EDIL3: variants seen among roughly 807,000 people sequenced by gnomAD.
EDIL3 encodes EGF like and discoidin domains 3, also known as EGF-like repeat and discoidin I-like domain-containing protein 3.
EDIL3 carries 37 observed loss-of-function variants against 67.4 expected under a neutral mutation model. The observed-to-expected ratio is 0.55, with a 90% confidence interval of 0.42 to 0.72. The LOEUF (loss-of-function observed/expected upper bound fraction) is 0.72, where lower values mean the gene tolerates loss of function less well. EDIL3 is among the 30% of genes least tolerant of loss of function. EDIL3 has a pLI of 0.00. For missense variants in EDIL3, 527 were observed against 586.3 expected, an observed-to-expected ratio of 0.90 and a Z score of 1.04; for synonymous variants, 195 against 196.3, an observed-to-expected ratio of 0.99 and a Z score of 0.05.
chr5:84,369,198 A>T (rs2112210000), intron 1 of EDIL3, among the ~76,000 whole-genome samples: 1 of 150,794 alleles, frequency 6.6e-6, no homozygotes, highest in African/African-American at 2.4e-5. Flanking sequence ...AATAGCAAAA[A>T]CTTAGAATAT....
In EDIL3 at chr5:84,301,667, A is replaced by C. The variant is rs568289372; in HGVS notation, c.68-47455T>G. On this transcript the variant is annotated intron_variant, in intron 1 of 10. Coordinates refer to ENST00000296591, the MANE Select transcript of EDIL3 (RefSeq NM_005711.5). ...GCTGCACAGTATCATGCTGCAGGCC[A>C]CTGTGACTCATGACTTTGGAAAGCA... is the stretch of plus-strand genomic sequence containing the variant. Among the ~76,000 whole-genome samples the C allele has an allele frequency of 6.6e-5, 10 of 152,320 alleles. 1 individual carries two copies. The South Asian group carries it at 2.1e-3, about 32-fold the overall frequency.
chr5:84,006,609 G>C (rs1647655213), intron 9 of EDIL3, among the ~76,000 whole-genome samples: 1 of 152,060 alleles, frequency 6.6e-6, no homozygotes, highest in Non-Finnish European at 1.5e-5. Context: ...ATTTAAAAAA[G>C]TACTTAACAG....
chr5:84,303,806 C>G (rs376466271), intron 1 of EDIL3, among the ~76,000 whole-genome samples: 15 of 101,418 alleles, frequency 1.5e-4, no homozygotes, highest in Admixed American at 1.1e-3. Flanking sequence ...CTCTCTCTCT[C>G]TCTGTGTGTG....
chr5:83,985,839 T>C (rs1161781415), intron 9 of EDIL3, among the ~76,000 whole-genome samples: 1 of 152,020 alleles, frequency 6.6e-6, no homozygotes, highest in African/African-American at 2.4e-5. Flanking sequence ...ATTTACACAA[T>C]TTTAAATCTG....
chr5:83,990,978 G>GT (rs1745141504), intron 9 of EDIL3, among the ~76,000 whole-genome samples: 1 of 152,068 alleles, frequency 6.6e-6, no homozygotes, highest in South Asian at 2.1e-4. Context: ...AATGGATAGT[G>GT]TAAGAGTTTT....
At chr5:84,208,504 C>T (rs912176178) in intron 3 of EDIL3, among the ~76,000 whole-genome samples, 2 of 150,758 alleles carry the variant, frequency 1.3e-5, no homozygotes, top group Non-Finnish European at 3.0e-5. Context: ...AAGGTGAAAC[C>T]CCGTCTCTAC....
At chr5:84,130,402 AG>A (rs879597775) in intron 5 of EDIL3, among the ~76,000 whole-genome samples, 3 of 152,168 alleles carry the variant, frequency 2.0e-5, no homozygotes, top group African/African-American at 4.8e-5. Flanking sequence ...AGTTACGCTA[AG>A]AAAAGCTCAG....
chr5:84,053,561 G>A (rs1208285531), intron 9 of EDIL3, among the ~76,000 whole-genome samples: 1 of 152,048 alleles, frequency 6.6e-6, no homozygotes, highest in Non-Finnish European at 1.5e-5. Flanking sequence ...TAGACCGCTA[G>A]CAAGACTAAT....
intron 2 of EDIL3, among the ~76,000 whole-genome samples, chr5:84,245,914 T>TAAAA (rs35831418): frequency 1.4e-5 from 2 of 144,026 alleles, no homozygotes; most frequent in Non-Finnish European, 1.5e-5. Context: ...TTCTAAAATG[T>TAAAA]AAAAAAAAAA....
At chr5:83,992,232 C>A (rs888049487) in intron 9 of EDIL3, among the ~76,000 whole-genome samples, 1 of 152,080 alleles carries the variant, frequency 6.6e-6, no homozygotes, top group Non-Finnish European at 1.5e-5. Flanking sequence ...TATTGTAGTT[C>A]ATAATGGTGA....
chr5:84,148,834 G>C (rs1748332873), intron 4 of EDIL3, among the ~76,000 whole-genome samples: 1 of 152,050 alleles, frequency 6.6e-6, no homozygotes, highest in Non-Finnish European at 1.5e-5. Flanking sequence ...TTATTGGTAA[G>C]TATGCCAAAT....
At chr5:84,297,312 A>G (rs1391502892) in intron 1 of EDIL3, among the ~76,000 whole-genome samples, 2 of 152,162 alleles carry the variant, frequency 1.3e-5, no homozygotes, top group Non-Finnish European at 2.9e-5. Context: ...GAGAAATGCA[A>G]ATCAAAACCA....
chr5:84,083,764 G>A lies in EDIL3; in HGVS notation c.652-17158C>T, dbSNP rs568969390. On this transcript the variant is annotated intron_variant, in intron 6 of 10. Coordinates refer to ENST00000296591, the MANE Select transcript of EDIL3 (RefSeq NM_005711.5). ...ATTACCATTCTTCTCAGAAAAGAGG[G>A]AAATTAAGTTTATCATTTACAAATA... 1.2e-4 allele frequency among the ~76,000 whole-genome samples: 18 copies of A among 152,192 alleles called. No homozygotes were observed. In the South Asian group the frequency reaches 3.5e-3, roughly 30 times the overall value.
chr5:84,000,378 A>T (rs1190050129), intron 9 of EDIL3, among the ~76,000 whole-genome samples: 2 of 152,204 alleles, frequency 1.3e-5, no homozygotes, highest in African/African-American at 4.8e-5. Flanking sequence ...TAAAATATGA[A>T]TCGAAACAAC....
intron 1 of EDIL3, among the ~76,000 whole-genome samples, chr5:84,315,073 T>C (rs1177052997): frequency 6.6e-6 from 1 of 152,134 alleles, no homozygotes; most frequent in Non-Finnish European, 1.5e-5. Context: ...ACTACAAAAA[T>C]AAAAGACAAA....
chr5:84,034,271 G>A (rs988279430), intron 9 of EDIL3, among the ~76,000 whole-genome samples: 1 of 152,114 alleles, frequency 6.6e-6, no homozygotes, highest in African/African-American at 2.4e-5. Context: ...ATTTCATTGA[G>A]AAAAGAATGC....
chr5:84,213,824 G>A (rs1367665092), intron 3 of EDIL3, among the ~76,000 whole-genome samples: 3 of 152,034 alleles, frequency 2.0e-5, no homozygotes, highest in Non-Finnish European at 4.4e-5. Flanking sequence ...TTCTGTCCAC[G>A]TAATCTTGAA....
intron 6 of EDIL3, among the ~76,000 whole-genome samples, chr5:84,091,474 T>C (rs1747164670): frequency 6.6e-6 from 1 of 152,136 alleles, no homozygotes; most frequent in Non-Finnish European, 1.5e-5. Context: ...AACAACAAAC[T>C]CCCTTAAATA....
chr5:84,022,900 C>T (rs965508707), intron 9 of EDIL3, among the ~76,000 whole-genome samples: 33 of 151,884 alleles, frequency 2.2e-4, no homozygotes, highest in African/African-American at 7.2e-4. Flanking sequence ...GAAGAGAGAA[C>T]TTGAATTGTT....
Sources: gnomAD v4.1 joint callset for allele counts (sites outside exome capture counted in the v4.1 genomes callset) on GRCh38, gnomAD v4.1.1 for gene constraint, MANE v1.5 for transcripts, NCBI Gene and HGNC (gene_info 2026-07-23, HGNC 2026-07-21) for gene names.